Variants in SESTD1 observed in about 807,000 individuals in gnomAD.
The protein encoded by SESTD1 is SEC14 domain and spectrin repeat-containing protein 1.
SESTD1 carries 43 observed loss-of-function variants against 101.7 expected under a neutral mutation model. That is an observed-to-expected ratio of 0.42 (90% CI 0.33 to 0.55). SESTD1 has a LOEUF of 0.55. Among genes scored for constraint, SESTD1 ranks in the 20% least tolerant of loss-of-function variants. The pLI is 0.07. For missense variants in SESTD1, 647 were observed against 815.1 expected (o/e 0.79, Z 2.51); for synonymous variants, 283 against 286.8 (o/e 0.99, Z 0.13).
At chr2:179,140,865 C>T (rs900622810) in intron 9 of SESTD1, among the ~76,000 whole-genome samples, 1 of 152,062 alleles carries the variant, frequency 6.6e-6, no homozygotes, top group Non-Finnish European at 1.5e-5. Flanking sequence ...CCCTGAAATG[C>T]TTTCTTCCCT....
In SESTD1 at chr2:179,257,150, C is replaced by T. The variant is rs970763754; in HGVS notation, c.-26+7349G>A. ...TTCAATTTTATTTAAAATCAGGACA[C>T]ATCTCATTCTATGTCATAGAATGAG... On this transcript the variant is annotated intron_variant, in intron 1 of 17. Coordinates refer to ENST00000428443, the MANE Select transcript of SESTD1 (RefSeq NM_178123.5). 2.0e-5 allele frequency among the ~76,000 whole-genome samples: 3 copies of T among 151,718 alleles called. No individual in the cohort carries two copies. In the East Asian group the frequency reaches 5.8e-4, roughly 29 times the overall value.
chr2:179,185,288 C>T (rs1305082395), intron 2 of SESTD1, among the ~76,000 whole-genome samples: 1 of 149,300 alleles, frequency 6.7e-6, no homozygotes, highest in Non-Finnish European at 1.5e-5. Context: ...AGAATATTTA[C>T]AAAATCATCA....
intron 1 of SESTD1, among the ~76,000 whole-genome samples, chr2:179,261,384 T>G (rs1289727100): frequency 6.6e-6 from 1 of 152,054 alleles, no homozygotes; most frequent in African/African-American, 2.4e-5. Context: ...AAGACCTGAG[T>G]TTACACTCAG....
At chr2:179,136,576 CTT>C (rs932331058) in intron 9 of SESTD1, among the ~76,000 whole-genome samples, 3 of 152,132 alleles carry the variant, frequency 2.0e-5, no homozygotes, top group Admixed American at 2.0e-4. Flanking sequence ...GATAAAATGA[CTT>C]TTAAGTATTT....
chr2:179,145,693 A>C (rs1020524094), intron 8 of SESTD1, among the ~76,000 whole-genome samples: 1 of 152,242 alleles, frequency 6.6e-6, no homozygotes, highest in Non-Finnish European at 1.5e-5. Flanking sequence ...CGATGATTAT[A>C]AAACAGTAGA....
intron 1 of SESTD1, among the ~76,000 whole-genome samples, chr2:179,247,681 C>T (rs1200402607): frequency 6.6e-6 from 1 of 151,770 alleles, no homozygotes; most frequent in Non-Finnish European, 1.5e-5. Context: ...CTCAAGGGAT[C>T]CTCCTGCCTT....
At chr2:179,149,048 AGAC>A (rs889254941) in intron 7 of SESTD1, among the ~76,000 whole-genome samples, 2 of 128,222 alleles carry the variant, frequency 1.6e-5, no homozygotes, top group African/African-American at 6.2e-5. Context: ...TGACAGAGCA[AGAC>A]TCCGTCTCAA....
intron 8 of SESTD1, among the ~76,000 whole-genome samples, chr2:179,145,807 ATTATCTC>A (rs1254604428): frequency 6.6e-6 from 1 of 152,212 alleles, no homozygotes; most frequent in Non-Finnish European, 1.5e-5. Flanking sequence ...AATAATACTA[ATTATCTC>A]AAAGGCTTGT....
At chr2:179,172,293 T>G (rs2045941246) in intron 4 of SESTD1, 60 bp from the exon 5 acceptor site, 1 of 1,144,814 alleles carries the variant, frequency 8.7e-7, no homozygotes, top group African/African-American at 1.6e-5. Flanking sequence ...TTTACTAAAT[T>G]TATAAATTAC....
chr2:179,123,901 T>C, intron 11 of SESTD1, 72 bp from the exon 12 acceptor site: 1 of 1,106,990 alleles, frequency 9.0e-7, no homozygotes, highest in Non-Finnish European at 1.4e-6. Flanking sequence ...ATTAATGAGG[T>C]TTATATCTAA....
chr2:179,136,245 CATT>C (rs2045141261), intron 9 of SESTD1, among the ~76,000 whole-genome samples: 1 of 152,158 alleles, frequency 6.6e-6, no homozygotes, highest in Non-Finnish European at 1.5e-5. Flanking sequence ...TTATGACACT[CATT>C]ATATGTAAGA....
chr2:179,143,878 T>C (rs1349072722), intron 8 of SESTD1, 75 bp from the exon 9 acceptor site: 4 of 1,483,518 alleles, frequency 2.7e-6, no homozygotes, highest in African/African-American at 1.4e-5. Flanking sequence ...TTCCCAATTC[T>C]AGTCCCTTGT....
intron 1 of SESTD1, among the ~76,000 whole-genome samples, chr2:179,255,259 G>C (rs1294034528): frequency 6.6e-6 from 1 of 152,182 alleles, no homozygotes; most frequent in Non-Finnish European, 1.5e-5. Flanking sequence ...AAATGATTAA[G>C]CTTACTCAGG....
At chr2:179,117,746 T>C (rs2044665255) in intron 13 of SESTD1, 133 bp from the exon 14 acceptor site, 2 of 591,264 alleles carry the variant, frequency 3.4e-6, no homozygotes, top group Non-Finnish European at 2.7e-6. Flanking sequence ...TGCAAGTATT[T>C]TGTATTGATT....
At chr2:179,175,415 T>A (rs1034849803) in intron 4 of SESTD1, among the ~76,000 whole-genome samples, 7 of 152,216 alleles carry the variant, frequency 4.6e-5, no homozygotes, top group African/African-American at 1.7e-4. Context: ...AGTAGCTACC[T>A]TATTTGTTGA....
At chr2:179,176,634 G>T in intron 3 of SESTD1, 96 bp from the exon 4 acceptor site, 2 of 860,502 alleles carry the variant, frequency 2.3e-6, no homozygotes, top group Non-Finnish European at 3.6e-6. Flanking sequence ...ATCGCATATG[G>T]AGTAGAATTA....
Position 179,179,116 on chromosome 2 carries a change from A to C in SESTD1, c.165-2578T>G, listed in dbSNP as rs183737849. On this transcript the variant is annotated intron_variant, in intron 3 of 17. Coordinates refer to ENST00000428443, the MANE Select transcript of SESTD1 (RefSeq NM_178123.5). Reference sequence around the variant, plus strand: ...GTGGTCTTTCAGGTACTTGAAAGGAAATAGTTTTGTTTTTTGCTTCATCCC... The same window carrying C: ...GTGGTCTTTCAGGTACTTGAAAGGACATAGTTTTGTTTTTTGCTTCATCCC... Among the ~76,000 whole-genome samples the C allele has an allele frequency of 5.9e-5, 9 of 152,290 alleles. No individual in the cohort carries two copies. In the East Asian group the frequency reaches 1.7e-3, roughly 29 times the overall value.
chr2:179,198,660 A>G (rs529802321), intron 1 of SESTD1, among the ~76,000 whole-genome samples: 2 of 151,856 alleles, frequency 1.3e-5, no homozygotes, highest in South Asian at 4.2e-4. Context: ...CTCACTCAAA[A>G]CCGCTCAACT....
Position 179,121,948 on chromosome 2 carries a change from G to C in SESTD1, c.1283-19C>G. Reference sequence around the variant, plus strand: ...CCCACATCTAAAACAAAAGTTACTAGATTTAATCTCTTACACAACTAAGGC... The same window carrying C: ...CCCACATCTAAAACAAAAGTTACTACATTTAATCTCTTACACAACTAAGGC... On this transcript the variant is annotated intron_variant, in intron 12 of 17. Coordinates refer to ENST00000428443, the MANE Select transcript of SESTD1 (RefSeq NM_178123.5). The C allele has an allele frequency of 6.3e-7, 1 of 1,586,428 alleles. No homozygotes were observed.
Sources: allele counts gnomAD v4.1 joint callset (sites outside exome capture counted in the v4.1 genomes callset), GRCh38; gene constraint gnomAD v4.1.1; transcripts MANE v1.5; gene names NCBI Gene and HGNC (gene_info 2026-07-23, HGNC 2026-07-21).